The following IKBIP variants were observed in gnomAD, a reference collection of about 807,000 sequenced individuals.
IKBIP encodes IKBKB interacting protein.
IKBIP carries 28 observed loss-of-function variants against 31.0 expected under a neutral mutation model. That is an observed-to-expected ratio of 0.90 (90% CI 0.67 to 1.24). The LOEUF is 1.24. Among genes scored for constraint, IKBIP ranks in the 50% most tolerant of loss-of-function variants. The probability of loss-of-function intolerance (pLI) is 0.00; values close to 1 mark genes in which losing one functional copy is unlikely to be tolerated. For synonymous variants in IKBIP, 164 were observed against 160.3 expected (o/e 1.02, Z -0.17); for missense variants, 453 against 441.9 (o/e 1.03, Z -0.23).
At chr12:98,621,506 A>G (rs371469353), downstream of IKBIP, among the ~76,000 whole-genome samples, 43 of 152,270 alleles carry the variant, frequency 2.8e-4, no homozygotes, top group East Asian at 6.8e-3. Flanking sequence ...TGACTCAATT[A>G]TTGCTTTTTG....
At chr12:98,614,167 T>C (rs202063953) in exon 3 of IKBIP, 6 of 1,613,958 alleles carry the variant, frequency 3.7e-6, no homozygotes, top group Admixed American at 3.3e-5. Flanking sequence ...TACTTTGGTC[T>C]ACTTTTGTAA....
At chr12:98,632,513 ATATATATATATATATAT>A (rs1486304008) in intron 2 of IKBIP, among the ~76,000 whole-genome samples, 54 of 13,660 alleles carry the variant, frequency 4.0e-3, no homozygotes, top group East Asian at 6.3e-3. Flanking sequence ...AAAAAAAAAA[ATATATATATATATATAT>A]ATATATATAT....
At chr12:98,617,240 G>C (rs1174005817) in intron 2 of IKBIP, among the ~76,000 whole-genome samples, 1 of 152,138 alleles carries the variant, frequency 6.6e-6, no homozygotes, top group East Asian at 1.9e-4. Context: ...AATTTCCAAG[G>C]TTCTAAAATT....
chr12:98,629,435 T>C (rs971406405), intron 2 of IKBIP, among the ~76,000 whole-genome samples: 2 of 152,084 alleles, frequency 1.3e-5, no homozygotes, highest in African/African-American at 2.4e-5. Context: ...GGTGTGCGCC[T>C]GTAGTCCCAG....
chr12:98,628,829 G>GGA (rs1209219481), intron 2 of IKBIP, among the ~76,000 whole-genome samples: 1 of 152,140 alleles, frequency 6.6e-6, no homozygotes, highest in African/African-American at 2.4e-5. Context: ...CTAGGGAAAT[G>GGA]GAGATAAAAG....
downstream of IKBIP, among the ~76,000 whole-genome samples, chr12:98,619,933 T>G (rs1322542509): frequency 1.3e-5 from 2 of 150,954 alleles, no homozygotes; most frequent in Non-Finnish European, 2.9e-5. Flanking sequence ...ATTTATTTAT[T>G]TATGAGATGG....
In IKBIP at chr12:98,631,742, C is replaced by T. The variant is rs181320532; in HGVS notation, c.297+2554G>A. Reference sequence around the variant, plus strand: ...GAGACAAGATCGAGCCATTGTACTCCAGCCTGGATGAGAAAAGTGAAACTC... The same window carrying T: ...GAGACAAGATCGAGCCATTGTACTCTAGCCTGGATGAGAAAAGTGAAACTC... On this transcript the variant is annotated intron_variant, in intron 2 of 2. Coordinates refer to ENST00000299157, the MANE Select transcript of IKBIP (RefSeq NM_153687.4). Among the ~76,000 whole-genome samples the T allele has an allele frequency of 3.0e-3, 430 of 145,160 alleles. 3 individuals carry two copies. Among genetic ancestry groups the T allele is most frequent in the African/African-American group, 0.011 (414 of 38,610 alleles).
At chr12:98,613,946 G>A (rs2097604725) in exon 3 of IKBIP, 3 of 1,613,556 alleles carry the variant, frequency 1.9e-6, no homozygotes, top group African/African-American at 1.3e-5. Flanking sequence ...TTCAGATGCT[G>A]TCTTTCGGAG....
At chr12:98,627,756 G>T (rs565469556) in intron 2 of IKBIP, among the ~76,000 whole-genome samples, 1 of 152,224 alleles carries the variant, frequency 6.6e-6, no homozygotes, top group South Asian at 2.1e-4. Flanking sequence ...CATTTTTATG[G>T]TTTTTTGGCT....
At chr12:98,622,620 TG>T (rs199564214), downstream of IKBIP, among the ~76,000 whole-genome samples, 806 of 151,732 alleles carry the variant, frequency 5.3e-3, 7 homozygotes, top group African/African-American at 0.014. Context: ...CTACAAAGGA[TG>T]TTTTTTTTTT....
At chr12:98,634,014 T>C (rs550089586) in intron 2 of IKBIP, among the ~76,000 whole-genome samples, 12 of 152,340 alleles carry the variant, frequency 7.9e-5, no homozygotes, top group African/African-American at 2.2e-4. Flanking sequence ...TTCAATGCTC[T>C]AGATACCTGA....
At chr12:98,615,107 G>A (rs1486420753) in intron 2 of IKBIP, among the ~76,000 whole-genome samples, 12 of 152,236 alleles carry the variant, frequency 7.9e-5, no homozygotes, top group Admixed American at 5.2e-4. Flanking sequence ...TGTGTACAAT[G>A]TAATATTTTG....
At position 98,644,773 on chromosome 12, in the gene IKBIP, C is replaced by T; in HGVS notation, c.-72G>A. The T allele has an allele frequency of 6.6e-7, 1 of 1,525,240 alleles. No homozygotes were observed. Among genetic ancestry groups the T allele is most frequent in the Non-Finnish European group, 8.9e-7 (1 of 1,129,040 alleles). 94.5% of individuals were successfully genotyped at this position (1,525,240 alleles called of 1,614,324 possible). ...GGGGAGCAGGACGTGGCCGCCTTGG[C>T]GTTCGTGGGAACCCTGGGCGGTGAC... On this transcript the variant is annotated 5_prime_UTR_variant, in exon 1 of 3. Coordinates refer to ENST00000299157, the MANE Select transcript of IKBIP (RefSeq NM_153687.4).
Position 98,625,274 on chromosome 12 carries a change from T to G in IKBIP, c.*656A>C, listed in dbSNP as rs2097613239. On this transcript the variant is annotated 3_prime_UTR_variant, in exon 3 of 3. Transcript: ENST00000299157. Reference sequence around the variant, plus strand: ...TCTGATTTTAAAAGTCTTACAAGTATCTGTAACACAGTTTAGAACCTTAAC... The same window carrying G: ...TCTGATTTTAAAAGTCTTACAAGTAGCTGTAACACAGTTTAGAACCTTAAC... 2.0e-6 allele frequency: 2 copies of G among 982,360 alleles called. No individual in the cohort carries two copies. The highest frequency in any genetic ancestry group is 1.2e-4 in the Admixed American group (2 of 16,262). The allele number at this position is 982,360 out of a possible 1,614,324, so 60.9% of individuals were successfully genotyped here. A position where few individuals can be genotyped will look rare whatever the true frequency, so the allele number is the denominator to read the frequency against.
In IKBIP at chr12:98,644,585, G is replaced by A; in HGVS notation, c.117C>T (p.Gly39=). The A allele has an allele frequency of 6.2e-7, 1 of 1,609,390 alleles. No homozygotes were observed. The highest frequency in any genetic ancestry group is 8.5e-7 in the Non-Finnish European group (1 of 1,178,412). The change falls in exon 1 of 3, where the codon GGC becomes GGT. Residue 39 remains glycine (G), a synonymous_variant. Coordinates refer to ENST00000299157, the MANE Select transcript of IKBIP (RefSeq NM_153687.4). ...TCAGGCACGTTCGGGGGTCTGCCCA[G>A]CCCCCGCCTCCGCTGCTCCGGGCCA... ...TPVARSSGGG[G]WADPRTCLSL... is the part of the protein sequence containing the mutation.
rs1219458440 is a variant in IKBIP at position 98,625,325 on chromosome 12, T to C, written c.*605A>G. 2.0e-6 allele frequency: 2 copies of C among 980,544 alleles called. No individual in the cohort carries two copies. The highest frequency in any genetic ancestry group is 1.7e-5 in the African/African-American group (1 of 57,292). The allele number at this position is 980,544 out of a possible 1,614,324, so 60.7% of individuals were successfully genotyped here. A position where few individuals can be genotyped will look rare whatever the true frequency, so the allele number is the denominator to read the frequency against. On this transcript the variant is annotated 3_prime_UTR_variant, in exon 3 of 3. Coordinates refer to ENST00000299157, the MANE Select transcript of IKBIP (RefSeq NM_153687.4). ...AAAAACTAAAATGTTTCCCAGGCTT[T>C]AGAGTTTTCAGAAAGTGCATATTAA...
At chr12:98,642,033 T>C (rs1425705372) in intron 1 of IKBIP, among the ~76,000 whole-genome samples, 1 of 152,234 alleles carries the variant, frequency 6.6e-6, no homozygotes, top group Non-Finnish European at 1.5e-5. Flanking sequence ...ATGAATGTAA[T>C]ACATTCATTA....
chr12:98,632,397 C>G (rs2097621056), intron 2 of IKBIP, among the ~76,000 whole-genome samples: 1 of 138,130 alleles, frequency 7.2e-6, no homozygotes, highest in South Asian at 2.5e-4. Flanking sequence ...AGTGCTTGAG[C>G]CTGGGAGGTT....
At chr12:98,618,297 T>C (rs1001573476) in intron 2 of IKBIP, among the ~76,000 whole-genome samples, 12 of 152,160 alleles carry the variant, frequency 7.9e-5, no homozygotes, top group Non-Finnish European at 1.5e-4. Flanking sequence ...AATTGTGTAT[T>C]TCTTCAATGT....
Sources: allele counts gnomAD v4.1 joint callset (sites outside exome capture counted in the v4.1 genomes callset), GRCh38; gene constraint gnomAD v4.1.1; transcripts MANE v1.5; gene names NCBI Gene and HGNC (gene_info 2026-07-23, HGNC 2026-07-21).